SLC2A7: variants seen among roughly 807,000 people sequenced by gnomAD.
SLC2A7 encodes solute carrier family 2, facilitated glucose transporter member 7.
Under a neutral mutation model 50.5 loss-of-function variants are expected in SLC2A7, and 50 were observed. The observed-to-expected ratio is 0.99, with a 90% CI of 0.79 to 1.25. The LOEUF is 1.25. SLC2A7 is among the 50% of genes most tolerant of loss of function. The probability of loss-of-function intolerance (pLI) is 0.00; values close to 1 mark genes in which losing one functional copy is unlikely to be tolerated. For missense variants in SLC2A7, 683 were observed against 679.1 expected (o/e 1.01, Z -0.06); for synonymous variants, 308 against 300.4 (o/e 1.03, Z -0.26).
downstream of SLC2A7, among the ~76,000 whole-genome samples, chr1:9,001,256 T>C (rs1252967220): frequency 6.6e-6 from 1 of 151,696 alleles, no homozygotes; most frequent in Non-Finnish European, 1.5e-5. Flanking sequence ...GGAAGGCACA[T>C]GAAAGCACGC....
intron 5 of SLC2A7, among the ~76,000 whole-genome samples, chr1:9,016,585 G>A (rs1640834113): frequency 6.6e-6 from 1 of 151,776 alleles, no homozygotes; most frequent in African/African-American, 2.4e-5. Context: ...CTCCAGCCTG[G>A]GTGACAGAGT....
chr1:9,008,985 C>T lies in SLC2A7; in HGVS notation c.1116+1158G>A, dbSNP rs539462379. Among the ~76,000 whole-genome samples the T allele has an allele frequency of 1.3e-5, 2 of 152,334 alleles. No homozygotes were observed. The highest frequency in any genetic ancestry group is 6.5e-5 in the Admixed American group (1 of 15,312). On this transcript the variant is annotated intron_variant, in intron 9 of 11. Transcript: ENST00000400906. This position sits in a 1 kb window ranked among gnomAD's most constrained non-coding sequence, Gnocchi z 5.9. Reference sequence around the variant, plus strand: ...TATGAGCATCACTAACACTGTTCGTCGCCAGGCCTTGCTTTCCCCGCAGGC... The same window carrying T: ...TATGAGCATCACTAACACTGTTCGTTGCCAGGCCTTGCTTTCCCCGCAGGC...
chr1:9,005,271 G>C lies in SLC2A7; in HGVS notation c.1193-392C>G, dbSNP rs141331643. On this transcript the variant is annotated intron_variant, in intron 10 of 11. Transcript: ENST00000400906. ...GCTGGCGTCACTCTGACTTGAGACC[G>C]CCCGCGCTTGGGAAGTGCCGCCCTC... Among the ~76,000 whole-genome samples, 930 of 152,312 alleles carry C rather than the reference G, an allele frequency of 6.1e-3. 7 individuals carry two copies. Among genetic ancestry groups the C allele is most frequent in the Middle Eastern group, 0.014 (4 of 294 alleles).
intron 7 of SLC2A7, among the ~76,000 whole-genome samples, chr1:9,013,965 C>G (rs1640788316): frequency 6.6e-6 from 1 of 152,200 alleles, no homozygotes; most frequent in Non-Finnish European, 1.5e-5. Flanking sequence ...CAAAGAATGA[C>G]TTCTTACCTC....
rs1557653846 is a variant in SLC2A7, at chr1:9,023,835, C to CTTTT, written c.151-758_151-757insAAAA. 3.3e-3 allele frequency among the ~76,000 whole-genome samples: 217 copies of CTTTT among 65,964 alleles called. 34 individuals carry two copies. The highest frequency in any genetic ancestry group is 5.3e-3 in the East Asian group (8 of 1,504). The allele number at this position is 65,964 out of a possible 152,430, so 43.3% of individuals were successfully genotyped here. ...CAGAGGCACCATAGGAAATATTCTT[C>CTTTT]TTCTTTTTTTTTTTTTTTTTTTTTT... On this transcript the variant is annotated intron_variant, in intron 2 of 11. Coordinates refer to ENST00000400906, the MANE Select transcript of SLC2A7 (RefSeq NM_207420.3).
At chr1:9,020,600 T>C (rs1008151896) in intron 3 of SLC2A7, among the ~76,000 whole-genome samples, 2 of 117,912 alleles carry the variant, frequency 1.7e-5, no homozygotes, top group Non-Finnish European at 1.6e-5. Context: ...AGGAGAAGAA[T>C]GGGCAGTGGA....
chr1:9,006,065 G>C (rs536578097), intron 10 of SLC2A7, among the ~76,000 whole-genome samples: 1 of 152,112 alleles, frequency 6.6e-6, no homozygotes, highest in South Asian at 2.1e-4. Context: ...CTCTGACCTC[G>C]CGTCTGCCGG....
chr1:9,010,229 G>T lies in SLC2A7; in HGVS notation c.1030C>A (p.Arg344=). The T allele has an allele frequency of 6.4e-7, 1 of 1,551,100 alleles. No homozygotes were observed. The highest frequency in any genetic ancestry group is 8.7e-7 in the Non-Finnish European group (1 of 1,146,918). Residue 344 remains arginine, a synonymous_variant, in exon 9 of 12, where the codon CGG becomes AGG. Transcript: ENST00000400906. ...MTITSAVLVE[R]LGRRHLLLAG... is the part of the protein sequence containing the mutation. ...AGCAGGAGGTGCCGCCGTCCCAGCC[G>T]CTCCACAAGGACAGCCTGGAGGGGA...
At position 9,007,374 on chromosome 1, in the gene SLC2A7, G is replaced by A. The variant is rs371701027; in HGVS notation, c.1128C>T (p.Pro376=). ...AGATGATGCCGAGGTAGGACAGCTC[G>A]GGGACCCTGTTCTGTGGGGAGAGGC... ...TVVLLFQNRV[P]ELSYLGIICV... The change falls in exon 10 of 12, where the codon CCC becomes CCT. Residue 376 remains proline, a synonymous_variant. Transcript: ENST00000400906. 1.2e-5 allele frequency: 20 copies of A among 1,614,012 alleles called. No homozygotes were observed. The highest frequency in any genetic ancestry group is 1.1e-4 in the African/African-American group (8 of 74,918).
rs1363892289 is a variant in SLC2A7, at chr1:9,018,290, AACCTCGGTCATTGTTCCC to A, written c.504_521del (p.Gly169_Val174del). 3 of 1,613,922 alleles carry A rather than the reference AACCTCGGTCATTGTTCCC, an allele frequency of 1.9e-6. No homozygotes were observed. The highest frequency in any genetic ancestry group is 2.5e-6 in the Non-Finnish European group (3 of 1,180,018). On this transcript the variant is annotated inframe_deletion, in exon 5 of 12. Coordinates refer to ENST00000400906, the MANE Select transcript of SLC2A7 (RefSeq NM_207420.3). The stretch of plus-strand genomic sequence containing the variant: ...CTAGGAAGACTCCAACGATGACGAA[AACCTCGGTCATTGTTCCC>A]ACCATGCCTCTCAGGTTCTTGGGGG...
chr1:9,013,893 A>C (rs1199445638), intron 7 of SLC2A7, among the ~76,000 whole-genome samples: 3 of 152,170 alleles, frequency 2.0e-5, no homozygotes, highest in Non-Finnish European at 2.9e-5. Flanking sequence ...TGGAAGTCAG[A>C]CCATACGACC....
Position 9,008,437 on chromosome 1 carries a change from T to C in SLC2A7, c.1117-1052A>G, listed in dbSNP as rs959936649. 2.0e-5 allele frequency among the ~76,000 whole-genome samples: 3 copies of C among 152,108 alleles called. No homozygotes were observed. Among genetic ancestry groups the C allele is most frequent in the African/African-American group, 7.2e-5 (3 of 41,414 alleles). On this transcript the variant is annotated intron_variant, in intron 9 of 11. Transcript: ENST00000400906. The surrounding 1 kb of genome is among the most constrained non-coding windows in gnomAD (Gnocchi z 5.9). ...TGTGAAGCGAGCAGCTGCTGCTGCA[T>C]TTTCAGGCAGAGCCCCTGGTTGGAC...
At position 9,008,193 on chromosome 1, in the gene SLC2A7, A is replaced by T. The variant is rs1640686409; in HGVS notation, c.1117-808T>A. 1.3e-5 allele frequency among the ~76,000 whole-genome samples: 2 copies of T among 152,256 alleles called. No homozygotes were observed. Among genetic ancestry groups the T allele is most frequent in the African/African-American group, 4.8e-5 (2 of 41,540 alleles). ...CCGGGTGCCCCCAGATGAACTTCCC[A>T]GGGAACCCTGTAGTCACAGTTATGA... is the stretch of plus-strand genomic sequence containing the variant. On this transcript the variant is annotated intron_variant, in intron 9 of 11. Transcript: ENST00000400906. The surrounding 1 kb of genome is among the most constrained non-coding windows in gnomAD (Gnocchi z 5.9).
chr1:9,000,276 T>C (rs1401331337), downstream of SLC2A7, among the ~76,000 whole-genome samples: 1 of 152,038 alleles, frequency 6.6e-6, no homozygotes, highest in African/African-American at 2.4e-5. Context: ...TGAGCCATGA[T>C]TGCCACTGCA....
chr1:9,026,020 G>A (rs1009666910), intron 1 of SLC2A7, among the ~76,000 whole-genome samples: 14 of 152,210 alleles, frequency 9.2e-5, no homozygotes, highest in East Asian at 7.7e-4. Context: ...TAAGGGTAGG[G>A]GAAGCGGAGG....
downstream of SLC2A7, among the ~76,000 whole-genome samples, chr1:8,998,648 TG>T (rs1330625545): frequency 4.1e-4 from 62 of 152,272 alleles, no homozygotes; most frequent in African/African-American, 1.4e-3. Flanking sequence ...AGAATCAGTT[TG>T]TCAATTTCTA....
rs558635311 is a variant in SLC2A7 at position 9,010,292 on chromosome 1, C to T, written c.1015-48G>A. The T allele has an allele frequency of 9.4e-5, 140 of 1,490,750 alleles. No homozygotes were observed. The Middle Eastern group carries it at 1.3e-3, about 14-fold the overall frequency. 92.3% of individuals were successfully genotyped at this position (1,490,750 alleles called of 1,614,324 possible). On this transcript the variant is annotated intron_variant, in intron 8 of 11. Coordinates refer to ENST00000400906, the MANE Select transcript of SLC2A7 (RefSeq NM_207420.3). ...AGAAGCCGCCTTGGCCTGGCGCCCA[C>T]GGTTCTTGGGCCGAGCCTCCACTTC...
chr1:9,024,965 C>A lies in SLC2A7; in HGVS notation c.150+11G>T. The A allele has an allele frequency of 6.2e-7, 1 of 1,613,770 alleles. No individual in the cohort carries two copies. The highest frequency in any genetic ancestry group is 1.1e-5 in the South Asian group (1 of 91,076). On this transcript the variant is annotated intron_variant, in intron 2 of 11. Transcript: ENST00000400906. Reference sequence around the variant, plus strand: ...GCTGCCCGGCCCACCTTGTGCCCACCTTGTGCCCACCTTGTGCGGCGTGTT... The same window carrying A: ...GCTGCCCGGCCCACCTTGTGCCCACATTGTGCCCACCTTGTGCGGCGTGTT...
chr1:8,995,250 C>T, the SLC2A7 span, among the ~76,000 whole-genome samples: 3 of 151,188 alleles, frequency 2.0e-5, no homozygotes, highest in Non-Finnish European at 2.9e-5. Context: ...AGATCGAGAT[C>T]ATCCTGGCTA....
Sources: gnomAD v4.1 joint callset for allele counts (sites outside exome capture counted in the v4.1 genomes callset) on GRCh38, gnomAD v4.1.1 for gene constraint, Gnocchi (gnomAD v3.1) non-coding constraint, MANE v1.5 for transcripts, NCBI Gene and HGNC (gene_info 2026-07-23, HGNC 2026-07-21) for gene names.